Variants in IL4I1 observed in about 807,000 individuals in gnomAD.
The protein encoded by IL4I1 is L-amino-acid oxidase.
In IL4I1, 24 loss-of-function variants were observed where a neutral mutation model predicts 29.7. The ratio of observed to expected loss-of-function variants is 0.81; its 90% CI spans 0.59 to 1.14. The LOEUF (loss-of-function observed/expected upper bound fraction) is 1.14. IL4I1 is among the 50% of genes most tolerant of loss of function. The pLI is 0.00. For missense variants in IL4I1, 686 were observed against 785.6 expected (o/e 0.87, Z 1.52); for synonymous variants, 371 against 352.5 (o/e 1.05, Z -0.59).
intron 5 of IL4I1, among the ~76,000 whole-genome samples, chr19:49,891,817 G>T (rs2075143813): frequency 6.6e-6 from 1 of 152,218 alleles, no homozygotes; most frequent in Non-Finnish European, 1.5e-5. Flanking sequence ...GTGGGCAGCT[G>T]GAGAGGAGAC....
rs930245677 is a variant in IL4I1 at position 49,922,898 on chromosome 19, T to C, written c.-228+4796A>G. ...GTTCACCGGTCCAGGCCTCTTCCCA[T>C]GTCAACCCCCTGCCCCTCCACACTG... On this transcript the variant is annotated intron_variant, in intron 2 of 9. Transcript: ENST00000341114. Among the ~76,000 whole-genome samples the C allele has an allele frequency of 3.9e-5, 6 of 152,158 alleles. 1 individual carries two copies. In the East Asian group the frequency reaches 7.8e-4, roughly 20 times the overall value.
intron 2 of IL4I1, among the ~76,000 whole-genome samples, chr19:49,905,638 C>T (rs1033571227): frequency 4.6e-5 from 7 of 152,164 alleles, no homozygotes; most frequent in Non-Finnish European, 1.0e-4. Flanking sequence ...CTTTTGTTGC[C>T]TAGGCTGGAG....
At position 49,889,673 on chromosome 19, in the gene IL4I1, A is replaced by T; in HGVS notation, c.1701T>A (p.His567Gln). Residue 567 changes from histidine to glutamine, a missense_variant, in exon 8 of 8, where the codon CAT becomes CAA. Coordinates refer to ENST00000391826, the MANE Select transcript of IL4I1 (RefSeq NM_152899.2). Reference sequence around the variant, plus strand: ...CACGGCTTTTTCCGAAAATACTTTAATGCGAGGTCCTCGTGTGGGTCGTGT... The same window carrying T: ...CACGGCTTTTTCCGAAAATACTTTATTGCGAGGTCCTCGTGTGGGTCGTGT... ...LQNTTHTRTSH is the reference protein window; with the variant it reads ...LQNTTHTRTSQ 4 of 1,481,508 alleles carry T rather than the reference A, an allele frequency of 2.7e-6. No homozygotes were observed. The highest frequency in any genetic ancestry group is 3.6e-6 in the Non-Finnish European group (4 of 1,114,092). 91.8% of individuals were successfully genotyped at this position (1,481,508 alleles called of 1,614,324 possible).
intron 2 of IL4I1, chr19:49,909,952 C>A (rs766927792): frequency 4.5e-5 from 37 of 824,808 alleles, no homozygotes; most frequent in Non-Finnish European, 6.8e-5. Context: ...CATGACTGGG[C>A]ACAGTCGGTT....
In IL4I1 at chr19:49,895,141, T is replaced by TG; in HGVS notation, c.291dup (p.Ile98HisfsTer110). Reference sequence around the variant, plus strand: ...GTGTTCTGGTCCCGGTAGGTGAAGATGCGGCCCCCGATCCTGTTATCTGCC... The same window carrying TG: ...GTGTTCTGGTCCCGGTAGGTGAAGATGGCGGCCCCCGATCCTGTTATCTGCC... On this transcript the variant is annotated frameshift_variant, in exon 4 of 8. Coordinates refer to ENST00000391826, the MANE Select transcript of IL4I1 (RefSeq NM_152899.2). LOFTEE classifies it high-confidence loss of function. 2 of 1,613,860 alleles carry TG rather than the reference T, an allele frequency of 1.2e-6. No homozygotes were observed. The highest frequency in any genetic ancestry group is 1.7e-6 in the Non-Finnish European group (2 of 1,179,854).
At chr19:49,891,209 C>T in intron 6 of IL4I1, 102 bp from the exon 7 acceptor site, 2 of 1,512,128 alleles carry the variant, frequency 1.3e-6, no homozygotes, top group Middle Eastern at 1.9e-4. Flanking sequence ...TGTCCTTGGA[C>T]CGTAGGATCC....
At chr19:49,911,379 A>T (rs1295100427) in intron 2 of IL4I1, 1 of 152,236 alleles carries the variant, frequency 6.6e-6, no homozygotes, top group Non-Finnish European at 1.5e-5. Flanking sequence ...GTCTCAAAAA[A>T]ACAAAAGAAT....
At chr19:49,913,509 G>T (rs1228473825) in intron 2 of IL4I1, among the ~76,000 whole-genome samples, 1 of 152,264 alleles carries the variant, frequency 6.6e-6, no homozygotes, top group African/African-American at 2.4e-5. Context: ...ACACGGGTGC[G>T]CCATGTCCTC....
intron 5 of IL4I1, among the ~76,000 whole-genome samples, chr19:49,893,356 C>T (rs554432171): frequency 1.6e-5 from 2 of 127,964 alleles, no homozygotes; most frequent in Non-Finnish European, 3.2e-5. Context: ...AAGCGTCAGG[C>T]GGCAGGGGTG....
At chr19:49,910,555 C>T (rs1313745125) in intron 2 of IL4I1, among the ~76,000 whole-genome samples, 5 of 152,148 alleles carry the variant, frequency 3.3e-5, no homozygotes, top group Non-Finnish European at 5.9e-5. Flanking sequence ...GCCAGGCAAT[C>T]GGAGCCTCCC....
At chr19:49,919,904 T>TC (rs2075723010) in intron 2 of IL4I1, among the ~76,000 whole-genome samples, 1 of 152,154 alleles carries the variant, frequency 6.6e-6, no homozygotes, top group Non-Finnish European at 1.5e-5. Context: ...GAAAGTTTTT[T>TC]CCCCTCTACC....
upstream of IL4I1, among the ~76,000 whole-genome samples, chr19:49,900,201 G>GA (rs916179607): frequency 1.1e-4 from 17 of 151,108 alleles, no homozygotes; most frequent in South Asian, 2.1e-4. Context: ...TGTAATTAAA[G>GA]AAAAAAAAAT....
At chr19:49,902,391 G>C (rs1446104176) in intron 3 of IL4I1, among the ~76,000 whole-genome samples, 1 of 139,596 alleles carries the variant, frequency 7.2e-6, no homozygotes, top group South Asian at 2.2e-4. Context: ...ATGGAGTCTC[G>C]CTCAGTTGCC....
At position 49,909,959 on chromosome 19, in the gene IL4I1, G is replaced by A. The variant is rs190627152; in HGVS notation, c.-227-5638C>T. On this transcript the variant is annotated intron_variant, in intron 2 of 9. Transcript: ENST00000341114. Reference sequence around the variant, plus strand: ...CTCAGTGGCATGACTGGGCACAGTCGGTTTGGAGGGTGGTGGGATGGGATA... The same window carrying A: ...CTCAGTGGCATGACTGGGCACAGTCAGTTTGGAGGGTGGTGGGATGGGATA... The A allele has an allele frequency of 1.5e-3, 1,124 of 774,178 alleles. 4 individuals are homozygous for A. Among genetic ancestry groups the A allele is most frequent in the Non-Finnish European group, 2.2e-3 (987 of 440,580 alleles). 48.0% of individuals were successfully genotyped at this position (774,178 alleles called of 1,614,324 possible). A position where few individuals can be genotyped will look rare whatever the true frequency, so the allele number is the denominator to read the frequency against.
In IL4I1 at chr19:49,895,172, G is replaced by T; in HGVS notation, c.261C>A (p.Ile87=). 6.2e-7 allele frequency: 1 copy of T among 1,613,654 alleles called. No homozygotes were observed. Residue 87 remains isoleucine (I), a synonymous_variant, in exon 4 of 8, where the codon ATC becomes ATA. Transcript: ENST00000391826. The part of the protein sequence containing the change: ...VLSDAGHKVT[I]LEADNRIGGR... Reference sequence around the variant, plus strand: ...CCCCGATCCTGTTATCTGCCTCCAGGATGGTGACCTGAGGGAGTCCGTGGG... The same window carrying T: ...CCCCGATCCTGTTATCTGCCTCCAGTATGGTGACCTGAGGGAGTCCGTGGG...
chr19:49,901,013 A>ACCGGGC (rs981679566), upstream of IL4I1, among the ~76,000 whole-genome samples: 77 of 152,202 alleles, frequency 5.1e-4, no homozygotes, highest in African/African-American at 1.8e-3. Context: ...TGTGCTGGGG[A>ACCGGGC]CCGGGCCCCT....
chr19:49,926,659 G>A (rs1028856201), intron 2 of IL4I1, among the ~76,000 whole-genome samples: 3 of 152,190 alleles, frequency 2.0e-5, no homozygotes, highest in African/African-American at 7.2e-5. Flanking sequence ...CTGGCAGTCT[G>A]CCCAACAGTC....
upstream of IL4I1, among the ~76,000 whole-genome samples, chr19:49,899,224 C>T (rs1345053649): frequency 6.6e-6 from 1 of 152,204 alleles, no homozygotes; most frequent in Non-Finnish European, 1.5e-5. Flanking sequence ...TGTGGAGGCC[C>T]ACAGCCAACT....
upstream of IL4I1, among the ~76,000 whole-genome samples, chr19:49,899,486 G>T (rs1292790959): frequency 6.6e-6 from 1 of 151,876 alleles, no homozygotes; most frequent in East Asian, 1.9e-4. Flanking sequence ...CCGGGCTCAA[G>T]CAATCCTCCC....
Sources: allele counts gnomAD v4.1 joint callset (sites outside exome capture counted in the v4.1 genomes callset), GRCh38; gene constraint gnomAD v4.1.1; transcripts MANE v1.5; gene names NCBI Gene and HGNC (gene_info 2026-07-23, HGNC 2026-07-21).